Variants in SCN10A observed in about 807,000 individuals in gnomAD.
SCN10A encodes sodium voltage-gated channel alpha subunit 10.
Under a neutral mutation model 170.7 loss-of-function variants are expected in SCN10A, and 162 were observed. The ratio of observed to expected loss-of-function variants is 0.95; its 90% CI spans 0.84 to 1.08. The LOEUF (loss-of-function observed/expected upper bound fraction) is 1.08, where lower values mean the gene tolerates loss of function less well. Among genes scored for constraint, SCN10A ranks in the 50% least tolerant of loss-of-function variants. The pLI is 0.00. For missense variants in SCN10A, 2,527 were observed against 2,436.9 expected (o/e 1.04, Z -0.78); for synonymous variants, 985 against 904.6 (o/e 1.09, Z -1.59).
chr3:38,712,253 T>C lies in SCN10A; in HGVS notation c.3997A>G (p.Lys1333Glu). 2 of 1,614,216 alleles carry C rather than the reference T, an allele frequency of 1.2e-6. No individual in the cohort carries two copies. The highest frequency in any genetic ancestry group is 1.7e-6 in the Non-Finnish European group (2 of 1,180,014). ...LSIVNNKSDCKIQNSTGSFFW... is the reference protein window; with the variant it reads ...LSIVNNKSDCEIQNSTGSFFW... ...AAGCTGCCAGTGGAGTTTTGAATCT[T>C]GCAGTCAGACTTGTTATTCACAATC... Residue 1333 changes from lysine (K) to glutamate (E), a missense_variant, in exon 23 of 28, where the codon AAG becomes GAG. Lys to Glu is a moderately conservative substitution (Grantham distance 56, BLOSUM62 1). Transcript: ENST00000449082.
chr3:38,782,620 G>A (rs2064152048), intron 4 of SCN10A, among the ~76,000 whole-genome samples: 1 of 150,286 alleles, frequency 6.7e-6, no homozygotes. Flanking sequence ...GCAAAAAAAT[G>A]TTTTACATTA....
intron 1 of SCN10A, among the ~76,000 whole-genome samples, chr3:38,796,040 C>G (rs1223721978): frequency 6.6e-6 from 1 of 152,092 alleles, no homozygotes; most frequent in African/African-American, 2.4e-5. Context: ...ATGACTGAGT[C>G]TTTATCTGTA....
rs370553488 is a variant in SCN10A, at chr3:38,697,688, G to T, written c.5532C>A (p.Thr1844=). 4 of 1,613,966 alleles carry T rather than the reference G, an allele frequency of 2.5e-6. No individual in the cohort carries two copies. Among genetic ancestry groups the T allele is most frequent in the Non-Finnish European group, 3.4e-6 (4 of 1,180,028 alleles). ...TGTCTTCTTGCTTCCATCGGAGAGT[G>T]GTTGCTATTGGTTCATAGGATGATT... ...LSKSSYEPIA[T]TLRWKQEDIS... The change falls in exon 28 of 28, where the codon ACC becomes ACA. Residue 1844 remains threonine, a synonymous_variant. Coordinates refer to ENST00000449082, the MANE Select transcript of SCN10A (RefSeq NM_006514.4).
At chr3:38,725,400 C>A in intron 17 of SCN10A, 86 bp from the exon 18 acceptor site, 2 of 1,337,428 alleles carry the variant, frequency 1.5e-6, no homozygotes, top group Admixed American at 2.6e-5. Context: ...ACATCACAGG[C>A]TGCCAGAGCC....
At chr3:38,722,495 T>C in intron 19 of SCN10A, 83 bp from the exon 20 acceptor site, 2 of 1,500,456 alleles carry the variant, frequency 1.3e-6, no homozygotes, top group Non-Finnish European at 1.8e-6. Context: ...GAAACCATTC[T>C]GCTAGGAAAC....
At chr3:38,770,387 G>C (rs1037861914) in intron 5 of SCN10A, among the ~76,000 whole-genome samples, 1 of 152,178 alleles carries the variant, frequency 6.6e-6, no homozygotes, top group Non-Finnish European at 1.5e-5. Flanking sequence ...GCAGGGGTAG[G>C]TGAGTCTAGA....
chr3:38,723,648 G>A, intron 18 of SCN10A, 95 bp from the exon 19 acceptor site: 2 of 1,413,492 alleles, frequency 1.4e-6, no homozygotes, highest in South Asian at 1.3e-5. Flanking sequence ...CCCATGTTTG[G>A]TGCCTCGCCA....
At position 38,757,657 on chromosome 3, in the gene SCN10A, C is replaced by T. The variant is rs551252968; in HGVS notation, c.951-498G>A. The stretch of plus-strand genomic sequence containing the variant: ...CTTTACAAACACTATAATTTAATCA[C>T]TCAATGTTCTTTCTTTACAGATAAG... On this transcript the variant is annotated intron_variant, in intron 8 of 27. Transcript: ENST00000449082. Among the ~76,000 whole-genome samples the T allele has an allele frequency of 1.4e-4, 21 of 152,330 alleles. No homozygotes were observed. The South Asian group carries it at 3.9e-3, about 29-fold the overall frequency.
Position 38,755,966 on chromosome 3 carries a change from G to A in SCN10A, c.1291-8C>T, listed in dbSNP as rs1269431818. 5.6e-6 allele frequency: 9 copies of A among 1,614,150 alleles called. No individual in the cohort carries two copies. The South Asian group carries it at 9.9e-5, about 18-fold the overall frequency. On this transcript the variant is annotated splice_polypyrimidine_tract_variant and splice_region_variant and intron_variant, in intron 10 of 27. Transcript: ENST00000449082. ...CCCTAGTGCTGCTAGCACCTGCGAA[G>A]AGAGAACAGCAGGTGTAGCCAATAG...
intron 27 of SCN10A, among the ~76,000 whole-genome samples, chr3:38,700,808 C>T (rs1189908322): frequency 1.3e-5 from 2 of 152,110 alleles, no homozygotes; most frequent in African/African-American, 2.4e-5. Flanking sequence ...AGCTACACCC[C>T]GACATGAAAA....
chr3:38,801,747 A>C (rs1395087498), intron 1 of SCN10A, among the ~76,000 whole-genome samples: 2 of 152,200 alleles, frequency 1.3e-5, no homozygotes, highest in East Asian at 3.8e-4. Flanking sequence ...ATAAACAGGT[A>C]ATTATAGTTT....
At chr3:38,812,188 A>G (rs983543524) in intron 1 of SCN10A, among the ~76,000 whole-genome samples, 3 of 152,248 alleles carry the variant, frequency 2.0e-5, no homozygotes, top group African/African-American at 7.2e-5. Context: ...TAATAAAAGT[A>G]TCTTCTTGCT....
chr3:38,792,250 A>C, intron 2 of SCN10A, 82 bp from the exon 3 acceptor site: 27 of 1,541,992 alleles, frequency 1.8e-5, no homozygotes, highest in Non-Finnish European at 2.4e-5. Flanking sequence ...CATGAGAGGC[A>C]TTATCTCAGG....
At chr3:38,724,526 A>C (rs183019891) in intron 18 of SCN10A, among the ~76,000 whole-genome samples, 1 of 152,312 alleles carries the variant, frequency 6.6e-6, no homozygotes, top group East Asian at 1.9e-4. Context: ...CTTCCAGCTC[A>C]GTCTCTGTGA....
At chr3:38,718,330 T>A (rs1443274427) in intron 21 of SCN10A, among the ~76,000 whole-genome samples, 1 of 152,184 alleles carries the variant, frequency 6.6e-6, no homozygotes, top group East Asian at 1.9e-4. Flanking sequence ...AGAAGACCCA[T>A]CTATGGATGC....
At position 38,727,249 on chromosome 3, in the gene SCN10A, G is replaced by A. The variant is rs142241842; in HGVS notation, c.2641-197C>T. ...GTTTGGGGATGTCCTGGAGTGACCCGCCTCAGTGGACGAGGCTTGGAAGCA... is the reference window on the plus strand; with the variant it reads ...GTTTGGGGATGTCCTGGAGTGACCCACCTCAGTGGACGAGGCTTGGAAGCA... On this transcript the variant is annotated intron_variant, in intron 16 of 27. Coordinates refer to ENST00000449082, the MANE Select transcript of SCN10A (RefSeq NM_006514.4). Among the ~76,000 whole-genome samples, 718 of 152,290 alleles carry A rather than the reference G, an allele frequency of 4.7e-3. 5 individuals carry two copies. The highest frequency in any genetic ancestry group is 0.016 in the African/African-American group (668 of 41,560).
chr3:38,742,613 G>T, intron 13 of SCN10A, 84 bp from the exon 14 acceptor site: 1 of 987,634 alleles, frequency 1.0e-6, no homozygotes, highest in Non-Finnish European at 1.6e-6. Flanking sequence ...AGACCTTGTT[G>T]TTAATAATAA....
In SCN10A at chr3:38,742,277, G is replaced by A; in HGVS notation, c.2106+14C>T. 1 of 1,569,986 alleles carries A rather than the reference G, an allele frequency of 6.4e-7. No homozygotes were observed. The highest frequency in any genetic ancestry group is 1.4e-5 in the African/African-American group (1 of 72,988). On this transcript the variant is annotated intron_variant, in intron 14 of 27. Transcript: ENST00000449082. ...GACCACGCCAGTGAGGGCAGTACCA[G>A]CCAGAGCACTCACGATGTTGCCTAT...
At chr3:38,779,463 C>T (rs975036259) in intron 4 of SCN10A, among the ~76,000 whole-genome samples, 1 of 151,906 alleles carries the variant, frequency 6.6e-6, no homozygotes, top group African/African-American at 2.4e-5. Context: ...GTATAAAGGT[C>T]TTGTGCATAT....
Sources: allele counts gnomAD v4.1 joint callset (sites outside exome capture counted in the v4.1 genomes callset), GRCh38; gene constraint gnomAD v4.1.1; transcripts MANE v1.5; gene names NCBI Gene and HGNC (gene_info 2026-07-23, HGNC 2026-07-21).